Variants in PLEKHG1 observed in about 807,000 individuals in gnomAD.
The protein encoded by PLEKHG1 is pleckstrin homology domain-containing family G member 1.
A neutral mutation model predicts 100.8 loss-of-function variants in PLEKHG1; 44 were observed. The ratio of observed to expected loss-of-function variants is 0.44; its 90% confidence interval spans 0.34 to 0.56. The LOEUF (loss-of-function observed/expected upper bound fraction) is 0.56. Among genes scored for constraint, PLEKHG1 ranks in the 20% least tolerant of loss-of-function variants. The probability of loss-of-function intolerance (pLI) is 0.01; values close to 1 mark genes in which losing one functional copy is unlikely to be tolerated. For missense variants in PLEKHG1, 1,545 were observed against 1,720.9 expected, an observed-to-expected ratio of 0.90 and a Z score of 1.81; for synonymous variants, 640 against 662.5, an observed-to-expected ratio of 0.97 and a Z score of 0.52.
chr6:150,604,187 A>G, intron 1 of PLEKHG1, among the ~76,000 whole-genome samples: 1 of 152,374 alleles, frequency 6.6e-6, no homozygotes, highest in Middle Eastern at 3.4e-3. Context: ...TAGTATTCTC[A>G]TAAGAGGAAT....
intron 2 of PLEKHG1, among the ~76,000 whole-genome samples, chr6:150,753,016 G>A (rs1355578060): frequency 6.6e-6 from 1 of 152,164 alleles, no homozygotes; most frequent in Non-Finnish European, 1.5e-5. Context: ...GGGAGGCTGA[G>A]GTGGGAGGAT....
At chr6:150,634,224 A>G (rs1184611460) in intron 1 of PLEKHG1, among the ~76,000 whole-genome samples, 1 of 150,790 alleles carries the variant, frequency 6.6e-6, no homozygotes, top group Non-Finnish European at 1.5e-5. Flanking sequence ...AGCCTGGCCA[A>G]CAAGAGCAAA....
At chr6:150,639,909 T>C (rs1329285702) in intron 2 of PLEKHG1, among the ~76,000 whole-genome samples, 2 of 152,242 alleles carry the variant, frequency 1.3e-5, no homozygotes, top group Non-Finnish European at 2.9e-5. Flanking sequence ...GGTTATTTTA[T>C]AAAGAGTCCT....
chr6:150,662,812 T>C (rs1364720760), intron 3 of PLEKHG1: 1 of 152,222 alleles, frequency 6.6e-6, no homozygotes, highest in Non-Finnish European at 1.5e-5. Flanking sequence ...CTTTTTCCTC[T>C]GAAACGCAAT....
chr6:150,843,554 A>G (rs1409408074), exon 16 of PLEKHG1: 1 of 146,518 alleles, frequency 6.8e-6, no homozygotes, highest in African/African-American at 2.5e-5. Context: ...CACCTGCTCT[A>G]TTCTTTGTGG....
chr6:150,781,893 T>C (rs1243908176), intron 3 of PLEKHG1, among the ~76,000 whole-genome samples: 3 of 151,192 alleles, frequency 2.0e-5, no homozygotes, highest in African/African-American at 7.3e-5. Context: ...TGCCTCAGCC[T>C]CCCAAATAGC....
chr6:150,800,677 A>G lies in PLEKHG1; in HGVS notation c.630-42A>G, dbSNP rs1337119485. The G allele has an allele frequency of 8.2e-6, 13 of 1,589,802 alleles. No homozygotes were observed. In the East Asian group the frequency reaches 2.9e-4, roughly 36 times the overall value. On this transcript the variant is annotated intron_variant, in intron 5 of 15. Coordinates refer to ENST00000358517, the Ensembl canonical transcript of PLEKHG1. ...GCATTTAAAATTTGAATACCCACAT[A>G]AAGCATTACAATTTAGATAAAAACA...
intron 4 of PLEKHG1, among the ~76,000 whole-genome samples, chr6:150,787,619 C>T (rs1241233152): frequency 6.6e-6 from 1 of 152,176 alleles, no homozygotes; most frequent in South Asian, 2.1e-4. Context: ...ACGCGGAGTC[C>T]GGTGTGAACT....
intron 1 of PLEKHG1, chr6:150,626,027 A>G (rs905611496): frequency 6.6e-6 from 1 of 151,816 alleles, no homozygotes; most frequent in Non-Finnish European, 1.5e-5. Context: ...TGGGATGAGG[A>G]GTGATAGAGA....
At chr6:150,653,469 G>A (rs982609987) in intron 3 of PLEKHG1, among the ~76,000 whole-genome samples, 74 of 152,178 alleles carry the variant, frequency 4.9e-4, no homozygotes, top group African/African-American at 1.6e-3. Context: ...CAGGCTGGGC[G>A]CAGTGGCTCA....
At chr6:150,815,432 C>T (rs1214099077) in intron 10 of PLEKHG1, among the ~76,000 whole-genome samples, 1 of 152,156 alleles carries the variant, frequency 6.6e-6, no homozygotes. Flanking sequence ...GCCATATTGC[C>T]CATTAGTATA....
chr6:150,779,519 T>C (rs570868012), intron 3 of PLEKHG1, among the ~76,000 whole-genome samples: 102 of 151,932 alleles, frequency 6.7e-4, no homozygotes, highest in Admixed American at 1.2e-3. Context: ...CTAATTTATG[T>C]ATTTTTAGTG....
chr6:150,822,204 A>G (rs1475365407), intron 13 of PLEKHG1, among the ~76,000 whole-genome samples: 1 of 151,386 alleles, frequency 6.6e-6, no homozygotes, highest in African/African-American at 2.4e-5. Flanking sequence ...ACAAAAACAC[A>G]CAAACTGGCA....
intron 3 of PLEKHG1, among the ~76,000 whole-genome samples, chr6:150,675,614 TC>T (rs1779728084): frequency 6.6e-6 from 1 of 152,270 alleles, no homozygotes; most frequent in African/African-American, 2.4e-5. Context: ...GGAGTCTCCC[TC>T]TGTCACCCAG....
At position 150,742,118 on chromosome 6, in the gene PLEKHG1, C is replaced by T. The variant is rs150468300; in HGVS notation, c.411+8026C>T. Among the ~76,000 whole-genome samples the T allele has an allele frequency of 2.0e-3, 306 of 152,292 alleles. 2 individuals carry two copies. Among genetic ancestry groups the T allele is most frequent in the African/African-American group, 6.2e-3 (259 of 41,578 alleles). On this transcript the variant is annotated intron_variant, in intron 2 of 15. Coordinates refer to ENST00000358517, the Ensembl canonical transcript of PLEKHG1. ...ATTCTTGTGTTGCTATAAAGAAATA[C>T]CTGAGACTGGGTAATTTATGAAGAA...
At chr6:150,720,018 T>G (rs1338885194), upstream of PLEKHG1, among the ~76,000 whole-genome samples, 2 of 152,236 alleles carry the variant, frequency 1.3e-5, no homozygotes, top group Non-Finnish European at 2.9e-5. Flanking sequence ...AATAGCTATG[T>G]TAAGAATGAT....
intron 1 of PLEKHG1, among the ~76,000 whole-genome samples, chr6:150,730,284 G>A (rs886865340): frequency 2.1e-5 from 3 of 139,798 alleles, no homozygotes; most frequent in Non-Finnish European, 4.6e-5. Flanking sequence ...ACCAGGGACT[G>A]GTTTCATGGT....
chr6:150,697,857 C>T (rs1780608093), intron 3 of PLEKHG1, among the ~76,000 whole-genome samples: 1 of 152,252 alleles, frequency 6.6e-6, no homozygotes, highest in African/African-American at 2.4e-5. Context: ...TGATTCTGGT[C>T]CTCTTTGATA....
At chr6:150,742,532 T>C (rs1782926287) in intron 2 of PLEKHG1, among the ~76,000 whole-genome samples, 1 of 122,462 alleles carries the variant, frequency 8.2e-6, no homozygotes, top group African/African-American at 3.2e-5. Context: ...GCCATTGCAC[T>C]CCAGCCTAGG....
Sources: allele counts gnomAD v4.1 joint callset (sites outside exome capture counted in the v4.1 genomes callset), GRCh38; gene constraint gnomAD v4.1.1; transcripts MANE v1.5; gene names NCBI Gene and HGNC (gene_info 2026-07-23, HGNC 2026-07-21).